Variants in TMPRSS11E observed in about 807,000 individuals in gnomAD.
The protein encoded by TMPRSS11E is transmembrane protease serine 11E.
In TMPRSS11E, 38 loss-of-function variants were observed where a neutral mutation model predicts 48.1. The observed-to-expected ratio is 0.79, with a 90% confidence interval of 0.61 to 1.04. TMPRSS11E has a LOEUF of 1.04. Ranked by LOEUF, TMPRSS11E falls within the 50% of genes least tolerant of loss-of-function variation. The probability of loss-of-function intolerance (pLI) is 0.00; values close to 1 mark genes in which losing one functional copy is unlikely to be tolerated. For synonymous variants in TMPRSS11E, 158 were observed against 171.9 expected, an observed-to-expected ratio of 0.92 and a Z score of 0.63; for missense variants, 530 against 510.8, an observed-to-expected ratio of 1.04 and a Z score of -0.36.
chr4:68,465,394 C>T (rs1728900579), intron 2 of TMPRSS11E, among the ~76,000 whole-genome samples: 1 of 152,122 alleles, frequency 6.6e-6, no homozygotes, highest in African/African-American at 2.4e-5. Flanking sequence ...TAGTTTTTTG[C>T]ATAACTTTTA....
chr4:68,459,437 C>A (rs765879555), intron 1 of TMPRSS11E, among the ~76,000 whole-genome samples: 28 of 151,982 alleles, frequency 1.8e-4, no homozygotes, highest in Non-Finnish European at 2.9e-4. Context: ...ATTAAAATTT[C>A]TCACTTATTT....
At chr4:68,467,458 G>A (rs1185918967) in intron 3 of TMPRSS11E, among the ~76,000 whole-genome samples, 1 of 152,130 alleles carries the variant, frequency 6.6e-6, no homozygotes, top group African/African-American at 2.4e-5. Context: ...AAACCTGTGA[G>A]GTAATTCATG....
At chr4:68,452,770 C>A (rs1052387965) in intron 1 of TMPRSS11E, among the ~76,000 whole-genome samples, 1 of 151,914 alleles carries the variant, frequency 6.6e-6, no homozygotes, top group Non-Finnish European at 1.5e-5. Context: ...ATATTTCAAA[C>A]CAATCTTTTA....
intron 1 of TMPRSS11E, 122 bp downstream of exon 1, chr4:68,447,645 T>C (rs1728377255): frequency 2.7e-6 from 2 of 752,084 alleles, no homozygotes; most frequent in South Asian, 4.3e-5. Context: ...TAGAAACATA[T>C]TTTTGAGATT....
chr4:68,449,913 G>C (rs1351782171), intron 1 of TMPRSS11E, among the ~76,000 whole-genome samples: 1 of 151,820 alleles, frequency 6.6e-6, no homozygotes, highest in African/African-American at 2.4e-5. Context: ...GATTAAGAAA[G>C]AGAGGATAAT....
intron 9 of TMPRSS11E, among the ~76,000 whole-genome samples, chr4:68,483,933 G>A (rs1271136336): frequency 3.9e-5 from 6 of 152,150 alleles, no homozygotes; most frequent in Admixed American, 3.9e-4. Flanking sequence ...TGTCAAAGAT[G>A]AGATGGTTGT....
At chr4:68,477,718 G>C (rs891719650) in intron 8 of TMPRSS11E, 90 bp downstream of exon 8, 73 of 1,499,968 alleles carry the variant, frequency 4.9e-5, no homozygotes, top group Non-Finnish European at 5.8e-5. Context: ...AAATATGTTA[G>C]TTGTGTGGTC....
At chr4:68,494,539 C>T (rs765688156) in intron 9 of TMPRSS11E, among the ~76,000 whole-genome samples, 16 of 152,292 alleles carry the variant, frequency 1.1e-4, no homozygotes, top group African/African-American at 2.4e-4. Context: ...AATACTTCCA[C>T]GGCTTCCTGT....
At chr4:68,478,178 C>T (rs1224603218) in intron 8 of TMPRSS11E, among the ~76,000 whole-genome samples, 10 of 121,832 alleles carry the variant, frequency 8.2e-5, no homozygotes, top group Non-Finnish European at 1.5e-4. Flanking sequence ...GACAGAGTCT[C>T]CTTGTTGAGA....
At position 68,477,544 on chromosome 4, in the gene TMPRSS11E, A is replaced by G; in HGVS notation, c.883A>G (p.Arg295Gly). 1 of 1,614,126 alleles carries G rather than the reference A, an allele frequency of 6.2e-7. No homozygotes were observed. The highest frequency in any genetic ancestry group is 8.5e-7 in the Non-Finnish European group (1 of 1,179,980). The part of the protein sequence containing the change: ...SPVPYTNAVH[R>G]VCLPDASYEF... ...TGTTCCCTACACAAATGCAGTACAT[A>G]GAGTTTGTCTCCCTGATGCATCCTA... The change falls in exon 8 of 10, where the codon AGA (arginine) becomes GGA (glycine). Residue 295 changes from arginine to glycine, a missense_variant. Transcript: ENST00000305363.
intron 9 of TMPRSS11E, among the ~76,000 whole-genome samples, chr4:68,482,420 C>G (rs554497077): frequency 6.6e-6 from 1 of 151,920 alleles, no homozygotes; most frequent in Non-Finnish European, 1.5e-5. Context: ...GCCTTCCTAA[C>G]AGTCCCCAAA....
intron 4 of TMPRSS11E, among the ~76,000 whole-genome samples, chr4:68,469,230 C>G (rs1729000638): frequency 1.3e-5 from 2 of 151,962 alleles, no homozygotes; most frequent in South Asian, 4.1e-4. Flanking sequence ...ACAGATAGAC[C>G]TAACACACAT....
intron 7 of TMPRSS11E, among the ~76,000 whole-genome samples, chr4:68,477,098 C>G (rs975584964): frequency 6.6e-6 from 1 of 151,752 alleles, no homozygotes; most frequent in African/African-American, 2.4e-5. Context: ...TTCCATAGGT[C>G]CCTTGGAGTC....
intron 9 of TMPRSS11E, among the ~76,000 whole-genome samples, chr4:68,488,792 G>A (rs998057430): frequency 1.3e-5 from 2 of 152,078 alleles, no homozygotes; most frequent in African/African-American, 4.8e-5. Context: ...ACCCACCTTC[G>A]GCCTCCCAAA....
intron 3 of TMPRSS11E, among the ~76,000 whole-genome samples, chr4:68,468,198 A>T (rs996353142): frequency 4.6e-5 from 7 of 152,154 alleles, no homozygotes; most frequent in African/African-American, 1.7e-4. Flanking sequence ...GTGTTTACTA[A>T]ATATCCACAT....
At chr4:68,461,749 A>G in intron 1 of TMPRSS11E, 72 bp from the exon 2 acceptor site, 2 of 1,601,998 alleles carry the variant, frequency 1.2e-6, no homozygotes, top group South Asian at 1.1e-5. Flanking sequence ...TTCCCCCAAA[A>G]TATCTGTTTT....
chr4:68,496,521 A>C, intron 9 of TMPRSS11E, 122 bp from the exon 10 acceptor site: 2 of 964,886 alleles, frequency 2.1e-6, no homozygotes, highest in Non-Finnish European at 3.1e-6. Context: ...TCACTTATGC[A>C]TGCGAACACA....
chr4:68,488,350 C>T (rs1344314771), intron 9 of TMPRSS11E, among the ~76,000 whole-genome samples: 1 of 152,042 alleles, frequency 6.6e-6, no homozygotes, highest in Admixed American at 6.6e-5. Context: ...AGATTTTGTT[C>T]ATTAAAGAAT....
At chr4:68,466,440 C>T (rs1340773643) in intron 2 of TMPRSS11E, among the ~76,000 whole-genome samples, 191 bp from the exon 3 acceptor site, 1 of 152,122 alleles carries the variant, frequency 6.6e-6, no homozygotes, top group Non-Finnish European at 1.5e-5. Context: ...TTCTCTAAAT[C>T]ACATGATGAT....
Sources: gnomAD v4.1 joint callset for allele counts (sites outside exome capture counted in the v4.1 genomes callset) on GRCh38, gnomAD v4.1.1 for gene constraint, MANE v1.5 for transcripts, NCBI Gene and HGNC (gene_info 2026-07-23, HGNC 2026-07-21) for gene names.